GRHL1: variants seen among roughly 807,000 people sequenced by gnomAD.
The protein encoded by GRHL1 is grainyhead like transcription factor 1, also known as grainyhead-like protein 1 homolog.
In GRHL1, 38 loss-of-function variants were observed where a neutral mutation model predicts 75.7. The ratio of observed to expected loss-of-function variants is 0.50; its 90% CI spans 0.39 to 0.66. The LOEUF (loss-of-function observed/expected upper bound fraction) is 0.66. GRHL1 is among the 30% of genes least tolerant of loss of function. The pLI, the probability that GRHL1 is intolerant of heterozygous loss-of-function variation, is 0.00. For missense variants in GRHL1, 589 were observed against 767.5 expected, an observed-to-expected ratio of 0.77 and a Z score of 2.75; for synonymous variants, 266 against 279.4, an observed-to-expected ratio of 0.95 and a Z score of 0.48.
At chr2:9,998,799 CATAT>C (rs765264863) in intron 14 of GRHL1, among the ~76,000 whole-genome samples, 162 bp from the exon 15 acceptor site, 3 of 29,322 alleles carry the variant, frequency 1.0e-4, no homozygotes, top group Non-Finnish European at 1.6e-4. Context: ...TATGTACACA[CATAT>C]ATATACGTAT....
rs117621375 is a variant in GRHL1, at chr2:9,997,884, G to C, written c.1678-1081G>C. Among the ~76,000 whole-genome samples the C allele has an allele frequency of 5.3e-5, 8 of 152,160 alleles. No homozygotes were observed. The East Asian group carries it at 1.5e-3, about 29-fold the overall frequency. On this transcript the variant is annotated intron_variant, in intron 14 of 15. Coordinates refer to ENST00000324907, the MANE Select transcript of GRHL1 (RefSeq NM_198182.3). ...TGCAAATTCTGATTACAGGGAAAGAGGAGAGTAAAGAGGATGCAGAATTAC... is the reference window on the plus strand; with the variant it reads ...TGCAAATTCTGATTACAGGGAAAGACGAGAGTAAAGAGGATGCAGAATTAC...
intron 8 of GRHL1, among the ~76,000 whole-genome samples, chr2:9,980,419 CAA>C (rs533688396): frequency 9.5e-5 from 12 of 126,596 alleles, no homozygotes; most frequent in Admixed American, 1.6e-4. Flanking sequence ...GTTTGAAAAC[CAA>C]AAAAAAAAAA....
chr2:9,998,430 G>T (rs1394356716), intron 14 of GRHL1, among the ~76,000 whole-genome samples: 2 of 73,066 alleles, frequency 2.7e-5, no homozygotes, highest in Non-Finnish European at 5.6e-5. Context: ...ATGCATGTGT[G>T]TGTGTGTGTG....
At position 9,954,858 on chromosome 2, in the gene GRHL1, A is replaced by T. The variant is rs756428057; in HGVS notation, c.21-57A>T. The T allele has an allele frequency of 5.7e-5, 77 of 1,355,188 alleles. 1 individual carries two copies. The South Asian group carries it at 8.7e-4, about 15-fold the overall frequency. The allele number at this position is 1,355,188 out of a possible 1,614,324, so 83.9% of individuals were successfully genotyped here. A position where few individuals can be genotyped will look rare whatever the true frequency, so the allele number is the denominator to read the frequency against. On this transcript the variant is annotated intron_variant, in intron 1 of 15. Transcript: ENST00000324907. The stretch of plus-strand genomic sequence containing the variant: ...AGGAATGTCAAGGAATTGGTAGCTT[A>T]TGATACCTTGCAGTAGAAAAGTGTG...
chr2:9,953,004 G>C (rs1235524888), intron 1 of GRHL1: 3 of 456,620 alleles, frequency 6.6e-6, no homozygotes, highest in East Asian at 1.4e-4. Context: ...ATGAGCCTTC[G>C]GCGACTGAAG....
At position 9,951,909 on chromosome 2, in the gene GRHL1, C is replaced by G; in HGVS notation, c.20+56C>G. The G allele has an allele frequency of 8.1e-7, 1 of 1,241,502 alleles. No homozygotes were observed. Among genetic ancestry groups the G allele is most frequent in the Non-Finnish European group, 1.0e-6 (1 of 966,192 alleles). The allele number at this position is 1,241,502 out of a possible 1,614,324, so 76.9% of individuals were successfully genotyped here. A position where few individuals can be genotyped will look rare whatever the true frequency, so the allele number is the denominator to read the frequency against. On this transcript the variant is annotated intron_variant, in intron 1 of 15. Transcript: ENST00000324907. This position sits in a 1 kb window ranked among gnomAD's most constrained non-coding sequence, Gnocchi z 4.2. ...GGGGGGGCCGCGCTGAGGGGCCGCA[C>G]CTGCAGCGAGCGAGCCGGGCGCAGA...
At chr2:9,980,701 G>T (rs1160960792) in intron 8 of GRHL1, among the ~76,000 whole-genome samples, 1 of 152,172 alleles carries the variant, frequency 6.6e-6, no homozygotes, top group Non-Finnish European at 1.5e-5. Flanking sequence ...AACAGAAAAG[G>T]TCATCTTTTG....
intron 8 of GRHL1, 101 bp from the exon 9 acceptor site, chr2:9,986,023 A>G (rs1381956413): frequency 1.0e-5 from 8 of 785,908 alleles, no homozygotes; most frequent in Non-Finnish European, 1.5e-5. Context: ...CTTCTCATTT[A>G]AAATAGACTT....
intron 9 of GRHL1, among the ~76,000 whole-genome samples, chr2:9,988,397 C>G (rs1668512447): frequency 1.3e-5 from 2 of 152,198 alleles, no homozygotes; most frequent in African/African-American, 4.8e-5. Flanking sequence ...ATGGTGGGAA[C>G]AGGTACTGTT....
intron 12 of GRHL1, among the ~76,000 whole-genome samples, chr2:9,994,367 C>G (rs181359190): frequency 5.3e-5 from 8 of 150,350 alleles, no homozygotes; most frequent in African/African-American, 1.7e-4. Flanking sequence ...AGATCCTGGT[C>G]TCAGGCAATC....
At chr2:9,955,294 T>C (rs1666965485) in intron 2 of GRHL1, among the ~76,000 whole-genome samples, 193 bp downstream of exon 2, 1 of 152,234 alleles carries the variant, frequency 6.6e-6, no homozygotes, top group African/African-American at 2.4e-5. Context: ...AGGGTTGTTT[T>C]TAAAACATGC....
At chr2:9,993,631 T>G (rs1481528309) in intron 12 of GRHL1, among the ~76,000 whole-genome samples, 1 of 152,230 alleles carries the variant, frequency 6.6e-6, no homozygotes, top group African/African-American at 2.4e-5. Flanking sequence ...TTGTAGACTC[T>G]TCTTAGTTTG....
rs189597773 is a variant in GRHL1, at chr2:9,977,564, C to T, written c.1111-8560C>T. Among the ~76,000 whole-genome samples the T allele has an allele frequency of 6.2e-3, 946 of 152,322 alleles. 10 individuals are homozygous for T. The highest frequency in any genetic ancestry group is 0.022 in the African/African-American group (908 of 41,572). On this transcript the variant is annotated intron_variant, in intron 8 of 15. Transcript: ENST00000324907. ...CTCAAATTCCTGGCCTCAAGTGATC[C>T]GCCCGCCTCGGCCTCCCAAAGTGCT...
Position 10,002,050 on chromosome 2 carries a change from G to A in GRHL1, c.*1343G>A, listed in dbSNP as rs1669289056. 6.6e-6 allele frequency: 1 copy of A among 152,628 alleles called. No individual in the cohort carries two copies. The highest frequency in any genetic ancestry group is 1.5e-5 in the Non-Finnish European group (1 of 68,026). The allele number at this position is 152,628 out of a possible 1,614,324, so 9.5% of individuals were successfully genotyped here. ...GGGTATCTTTAGGTTCAGGGAACTAGACTAGGTCATTCGTGTAAATGGACT... is the reference window on the plus strand; with the variant it reads ...GGGTATCTTTAGGTTCAGGGAACTAAACTAGGTCATTCGTGTAAATGGACT... On this transcript the variant is annotated 3_prime_UTR_variant, in exon 16 of 16. Transcript: ENST00000324907.
Position 10,001,191 on chromosome 2 carries a change from C to G in GRHL1, c.*484C>G, listed in dbSNP as rs558839242. On this transcript the variant is annotated 3_prime_UTR_variant, in exon 16 of 16. Coordinates refer to ENST00000324907, the MANE Select transcript of GRHL1 (RefSeq NM_198182.3). ...TTAGCGGGAGCGCACCTGAAGAGTA[C>G]GGGGGGAGCCCTCTCTCCCTTACCC... The G allele has an allele frequency of 2.0e-5, 3 of 152,658 alleles. No individual in the cohort carries two copies. The Admixed American group carries it at 2.0e-4, about 10-fold the overall frequency. 9.5% of individuals were successfully genotyped at this position (152,658 alleles called of 1,614,324 possible).
In GRHL1 at chr2:9,962,481, G is replaced by T; in HGVS notation, c.696G>T (p.Leu232=). 2 of 1,603,424 alleles carry T rather than the reference G, an allele frequency of 1.2e-6. No individual in the cohort carries two copies. The highest frequency in any genetic ancestry group is 2.2e-5 in the South Asian group (2 of 90,868). The stretch of plus-strand genomic sequence containing the variant: ...TTTTCTTCCCCTCGGATCTCAGTCT[G>T]CGGATGCCTGGCATGAATTCAGAGG... ...QEVFFPSDLS[L]RMPGMNSEDY... is the part of the protein sequence containing the mutation. The change falls in exon 5 of 16, where the codon CTG becomes CTT. Residue 232 remains leucine (L), a synonymous_variant. Transcript: ENST00000324907.
At chr2:9,952,551 A>T (rs1666835821) in intron 1 of GRHL1, among the ~76,000 whole-genome samples, 2 of 152,250 alleles carry the variant, frequency 1.3e-5, no homozygotes, top group African/African-American at 2.4e-5. Context: ...AAAGTACTGT[A>T]CAAGCTAATA....
Position 9,962,518 on chromosome 2 carries a change from G to C in GRHL1, c.733G>C (p.Asp245His). The stretch of plus-strand genomic sequence containing the variant: ...CATGAATTCAGAGGACTATGTTTTT[G>C]ACAGTGTTTCTGGGTAATAGATGTC... Reference protein sequence around the residue: ...PGMNSEDYVFDSVSGNNFEYT... With the variant: ...PGMNSEDYVFHSVSGNNFEYT... The change falls in exon 5 of 16, where the codon GAC becomes CAC. Residue 245 changes from aspartate to histidine, a missense_variant. Physicochemically the swap from Asp to His is moderately conservative, Grantham distance 81. Transcript: ENST00000324907. 1 of 1,575,668 alleles carries C rather than the reference G, an allele frequency of 6.3e-7. No homozygotes were observed. The highest frequency in any genetic ancestry group is 8.7e-7 in the Non-Finnish European group (1 of 1,144,962).
At chr2:9,999,866 ATTC>A (rs1194485575) in intron 15 of GRHL1, among the ~76,000 whole-genome samples, 1 of 152,080 alleles carries the variant, frequency 6.6e-6, no homozygotes, top group African/African-American at 2.4e-5. Flanking sequence ...TTGTTTTTGT[ATTC>A]TTTATTTTTT....
Sources: gnomAD v4.1 joint callset for allele counts (sites outside exome capture counted in the v4.1 genomes callset) on GRCh38, gnomAD v4.1.1 for gene constraint, Gnocchi (gnomAD v3.1) non-coding constraint, MANE v1.5 for transcripts, NCBI Gene and HGNC (gene_info 2026-07-23, HGNC 2026-07-21) for gene names.